AACS: variants seen among roughly 807,000 people sequenced by gnomAD.
AACS encodes acetoacetyl-CoA synthetase.
In AACS, 69 loss-of-function variants were observed where a neutral mutation model predicts 83.1. That is an observed-to-expected ratio of 0.83 (90% CI 0.68 to 1.01). AACS has a LOEUF of 1.01. Ranked by LOEUF, AACS falls within the 50% of genes least tolerant of loss-of-function variation. The pLI is 0.00. For missense variants in AACS, 866 were observed against 882.2 expected, an observed-to-expected ratio of 0.98 and a Z score of 0.23; for synonymous variants, 333 against 343.4, an observed-to-expected ratio of 0.97 and a Z score of 0.33.
intron 5 of AACS, among the ~76,000 whole-genome samples, chr12:125,095,934 CT>C (rs1397022779): frequency 6.6e-6 from 1 of 152,216 alleles, no homozygotes; most frequent in Non-Finnish European, 1.5e-5. Flanking sequence ...CACCCCGTTC[CT>C]GCCTTATCAG....
At chr12:125,141,969 G>A (rs1450283778) in intron 17 of AACS, 123 bp from the exon 18 acceptor site, 10 of 1,253,166 alleles carry the variant, frequency 8.0e-6, no homozygotes, top group South Asian at 4.1e-5. Flanking sequence ...TCTTAGAGCC[G>A]AGACCCATTC....
intron 10 of AACS, chr12:125,120,176 A>T (rs539806544): frequency 6.6e-6 from 1 of 152,152 alleles, no homozygotes; most frequent in Non-Finnish European, 1.5e-5. Flanking sequence ...CATCATCATC[A>T]TTAGAAAGGC....
intron 17 of AACS, chr12:125,138,603 G>A (rs1957432949): frequency 6.6e-6 from 1 of 152,108 alleles, no homozygotes; most frequent in Non-Finnish European, 1.5e-5. Context: ...CGAGAGTAGT[G>A]GAACAATTTA....
chr12:125,068,634 C>G (rs929465690), intron 1 of AACS, among the ~76,000 whole-genome samples: 3 of 152,114 alleles, frequency 2.0e-5, no homozygotes, highest in African/African-American at 7.2e-5. Flanking sequence ...TCCTTTTCTC[C>G]TCTTACCACT....
At chr12:125,103,496 C>T (rs1956762278) in intron 7 of AACS, among the ~76,000 whole-genome samples, 1 of 152,190 alleles carries the variant, frequency 6.6e-6, no homozygotes, top group African/African-American at 2.4e-5. Context: ...TGTGCATTTA[C>T]ACACGTGCAT....
chr12:125,109,792 A>T (rs988448361), intron 8 of AACS, among the ~76,000 whole-genome samples: 4 of 151,962 alleles, frequency 2.6e-5, no homozygotes, highest in African/African-American at 9.7e-5. Flanking sequence ...TGACACTGAC[A>T]TTTTCAAAGA....
At chr12:125,095,221 C>T (rs866579551) in intron 5 of AACS, among the ~76,000 whole-genome samples, 7 of 152,214 alleles carry the variant, frequency 4.6e-5, no homozygotes, top group African/African-American at 1.7e-4. Flanking sequence ...GACAGGCTGA[C>T]AGCTGGTTTT....
intron 4 of AACS, among the ~76,000 whole-genome samples, chr12:125,089,727 ATCCT>A (rs767380030): frequency 1.3e-5 from 2 of 151,622 alleles, no homozygotes; most frequent in African/African-American, 2.4e-5. Flanking sequence ...CCATCTATCC[ATCCT>A]TCTCTCCACC....
chr12:125,087,953 C>A (rs887826293), intron 4 of AACS, among the ~76,000 whole-genome samples: 1 of 152,192 alleles, frequency 6.6e-6, no homozygotes, highest in Non-Finnish European at 1.5e-5. Flanking sequence ...CCTGGCTTGT[C>A]GGGGTTGCCT....
chr12:125,102,686 T>G lies in AACS; in HGVS notation c.578T>G (p.Leu193Arg). 1.2e-6 allele frequency: 2 copies of G among 1,614,094 alleles called. No homozygotes were observed. The highest frequency in any genetic ancestry group is 1.7e-6 in the Non-Finnish European group (2 of 1,179,940). The part of the protein sequence containing the change: ...TSPDFGVNGV[L>R]DRFSQIQPKL... ...TTTTCCTCCTGCTTTCAGGGTGTGCTGGACCGGTTTTCTCAAATTCAGCCA... is the reference window on the plus strand; with the variant it reads ...TTTTCCTCCTGCTTTCAGGGTGTGCGGGACCGGTTTTCTCAAATTCAGCCA... Residue 193 changes from leucine (L) to arginine (R), a missense_variant, in exon 6 of 18, where the codon CTG (leucine) becomes CGG (arginine). Coordinates refer to ENST00000316519, the MANE Select transcript of AACS (RefSeq NM_023928.5).
At chr12:125,110,143 C>A (rs1167962635) in intron 8 of AACS, among the ~76,000 whole-genome samples, 1 of 150,556 alleles carries the variant, frequency 6.6e-6, no homozygotes, top group Non-Finnish European at 1.5e-5. Flanking sequence ...CCTCAGCCTC[C>A]TGAGTAGCTG....
rs1261486926 is a variant in AACS, at chr12:125,108,602, AAT to A, written c.915+1337_915+1338del. 2.7e-4 allele frequency among the ~76,000 whole-genome samples: 41 copies of A among 152,350 alleles called. 1 individual carries two copies. Among genetic ancestry groups the A allele is most frequent in the Non-Finnish European group, 2.9e-5 (2 of 68,038 alleles). ...CTAACTTTATTAAAGCACCTGAAAT[AAT>A]ATGTTACTACTATGCAATAGAATGT... On this transcript the variant is annotated intron_variant, in intron 8 of 17. Transcript: ENST00000316519.
chr12:125,134,211 C>T, intron 15 of AACS, 139 bp downstream of exon 15: 2 of 842,690 alleles, frequency 2.4e-6, no homozygotes, highest in East Asian at 2.7e-5. Context: ...AGGGTGTCCA[C>T]ACCACCCACA....
Position 125,065,611 on chromosome 12 carries a change from G to A in AACS, c.27G>A (p.Arg9=). The change falls in exon 1 of 18, where the codon CGG becomes CGA. Residue 9 remains arginine, a synonymous_variant. Transcript: ENST00000316519. MSKEERPG[R]EEILECQVMW... ...TGTCCAAGGAGGAGCGCCCCGGTCG[G>A]GAGGAGATCCTGGAGTGCCAGGTGA... The A allele has an allele frequency of 6.5e-7, 1 of 1,536,344 alleles. No individual in the cohort carries two copies. The highest frequency in any genetic ancestry group is 1.2e-5 in the South Asian group (1 of 82,482).
intron 4 of AACS, among the ~76,000 whole-genome samples, chr12:125,088,915 A>C (rs1956399713): frequency 6.6e-6 from 1 of 152,232 alleles, no homozygotes; most frequent in Non-Finnish European, 1.5e-5. Flanking sequence ...AGAAAACACT[A>C]GAAAATGATT....
intron 17 of AACS, among the ~76,000 whole-genome samples, chr12:125,137,799 A>G (rs913355594): frequency 6.6e-6 from 1 of 152,146 alleles, no homozygotes; most frequent in African/African-American, 2.4e-5. Flanking sequence ...GGCAGGCTGT[A>G]TTTGAAGCCT....
intron 4 of AACS, among the ~76,000 whole-genome samples, chr12:125,089,363 C>T (rs1956411089): frequency 6.6e-6 from 1 of 152,172 alleles, no homozygotes; most frequent in Admixed American, 6.5e-5. Flanking sequence ...ACTAGGGACC[C>T]CTGGGGGCAC....
At chr12:125,136,929 G>A (rs1957410249) in intron 17 of AACS, 65 bp downstream of exon 17, 1 of 1,549,998 alleles carries the variant, frequency 6.5e-7, no homozygotes, top group Admixed American at 1.7e-5. Context: ...ACATTGAGGG[G>A]CGCTTACATC....
intron 12 of AACS, chr12:125,125,666 T>C (rs922536815): frequency 1.3e-5 from 2 of 152,292 alleles, no homozygotes; most frequent in African/African-American, 4.8e-5. Context: ...GAAGGACAAA[T>C]ATTGCCACAT....
Sources: allele counts gnomAD v4.1 joint callset (sites outside exome capture counted in the v4.1 genomes callset), GRCh38; gene constraint gnomAD v4.1.1; transcripts MANE v1.5; gene names NCBI Gene and HGNC (gene_info 2026-07-23, HGNC 2026-07-21).